AGMO: variants seen among roughly 807,000 people sequenced by gnomAD.
AGMO encodes alkylglycerol monooxygenase, also known as glyceryl-ether monooxygenase.
AGMO carries 75 observed loss-of-function variants against 60.2 expected under a neutral mutation model. The observed-to-expected ratio is 1.25, with a 90% CI of 1.03 to 1.51. The LOEUF (loss-of-function observed/expected upper bound fraction) is 1.51. Among genes scored for constraint, AGMO ranks in the 40% most tolerant of loss-of-function variants. AGMO has a pLI of 0.00. For missense variants in AGMO, 763 were observed against 525.5 expected, an observed-to-expected ratio of 1.45 and a Z score of -4.42; for synonymous variants, 261 against 177.1, an observed-to-expected ratio of 1.47 and a Z score of -3.76.
At chr7:15,367,515 T>C (rs1368635226) in intron 10 of AGMO, among the ~76,000 whole-genome samples, 2 of 152,036 alleles carry the variant, frequency 1.3e-5, no homozygotes, top group Non-Finnish European at 2.9e-5. Context: ...TTTCCATCAT[T>C]ACACAGAAAG....
At chr7:15,350,128 G>C (rs1214416751) in intron 12 of AGMO, among the ~76,000 whole-genome samples, 1 of 152,038 alleles carries the variant, frequency 6.6e-6, no homozygotes, top group South Asian at 2.1e-4. Context: ...TGTGTTTCTG[G>C]AACCTGGGTC....
chr7:15,210,100 T>G (rs965299372), intron 12 of AGMO, among the ~76,000 whole-genome samples: 1 of 152,148 alleles, frequency 6.6e-6, no homozygotes, highest in African/African-American at 2.4e-5. Context: ...GGGAAGGAGC[T>G]CAAATGATAC....
At chr7:15,268,195 T>C (rs1222193132) in intron 12 of AGMO, among the ~76,000 whole-genome samples, 2 of 152,030 alleles carry the variant, frequency 1.3e-5, no homozygotes, top group African/African-American at 4.8e-5. Flanking sequence ...CAATATAGTC[T>C]TATGAAGTCT....
intron 12 of AGMO, among the ~76,000 whole-genome samples, chr7:15,204,492 T>TA (rs1305141116): frequency 6.6e-6 from 1 of 152,204 alleles, no homozygotes; most frequent in Non-Finnish European, 1.5e-5. Context: ...CTAATCTACA[T>TA]ATATGATGTT....
chr7:15,539,955 C>T (rs1358837814), intron 3 of AGMO, among the ~76,000 whole-genome samples: 1 of 152,034 alleles, frequency 6.6e-6, no homozygotes, highest in Admixed American at 6.6e-5. Flanking sequence ...AGGAGGCTGC[C>T]TGTATCAGTC....
In AGMO at chr7:15,385,032, T is replaced by TA. The variant is rs556350244; in HGVS notation, c.1074+413dup. Reference sequence around the variant, plus strand: ...TTCAGAAATGTCAAACTAAAGGAATTAAACTCTACACTGAAAACCCTTTAA... The same window carrying TA: ...TTCAGAAATGTCAAACTAAAGGAATTAAAACTCTACACTGAAAACCCTTTAA... On this transcript the variant is annotated intron_variant, in intron 10 of 12. Transcript: ENST00000342526. Among the ~76,000 whole-genome samples, 423 of 152,244 alleles carry TA rather than the reference T, an allele frequency of 2.8e-3. 1 individual carries two copies. The highest frequency in any genetic ancestry group is 6.8e-3 in the Middle Eastern group (2 of 294).
intron 12 of AGMO, among the ~76,000 whole-genome samples, chr7:15,234,151 A>G (rs185499842): frequency 5.3e-4 from 81 of 152,326 alleles, no homozygotes; most frequent in Middle Eastern, 3.4e-3. Context: ...ATGAGATTAA[A>G]TATAGTCCTT....
rs1454798771 is a variant in AGMO at position 15,430,921 on chromosome 7, T to TTTTTTG, written c.513+83_513+84insCAAAAA. On this transcript the variant is annotated intron_variant, in intron 4 of 12. Transcript: ENST00000342526. ...TTTAGTAAAACACCTTCTATTAGTTTTTTTTTTTTTTTGAGGAAATAGAAA... is the reference window on the plus strand; with the variant it reads ...TTTAGTAAAACACCTTCTATTAGTTTTTTTTGTTTTTTTTTTTTGAGGAAATAGAAA... The TTTTTTG allele has an allele frequency of 2.7e-4, 184 of 684,434 alleles. 2 individuals carry two copies. The African/African-American group carries it at 3.1e-3, about 12-fold the overall frequency. The allele number at this position is 684,434 out of a possible 1,614,324, so 42.4% of individuals were successfully genotyped here.
intron 12 of AGMO, among the ~76,000 whole-genome samples, chr7:15,281,567 T>C (rs1296044245): frequency 2.6e-5 from 4 of 152,066 alleles, no homozygotes; most frequent in Admixed American, 6.6e-5. Context: ...AGTGGATCAC[T>C]TTCCTGCTAG....
chr7:15,398,564 G>T (rs559980953), intron 5 of AGMO, among the ~76,000 whole-genome samples: 2 of 152,116 alleles, frequency 1.3e-5, no homozygotes, highest in African/African-American at 2.4e-5. Flanking sequence ...TTTATTAAGG[G>T]TTGAGCATAA....
chr7:15,414,644 A>G (rs1485454141), intron 5 of AGMO, among the ~76,000 whole-genome samples: 8 of 151,942 alleles, frequency 5.3e-5, no homozygotes, highest in Admixed American at 2.6e-4. Flanking sequence ...AATATAGGGG[A>G]AAAAAAAGAA....
chr7:15,386,127 G>A (rs1783900285), intron 9 of AGMO, among the ~76,000 whole-genome samples: 1 of 151,818 alleles, frequency 6.6e-6, no homozygotes, highest in Non-Finnish European at 1.5e-5. Context: ...GCTGCAGTGA[G>A]CCAGGACTGC....
At chr7:15,218,199 G>A (rs1476597962) in intron 12 of AGMO, among the ~76,000 whole-genome samples, 1 of 152,070 alleles carries the variant, frequency 6.6e-6, no homozygotes, top group East Asian at 1.9e-4. Context: ...AAATGTAACA[G>A]TGTGAAATTA....
At chr7:15,271,751 T>C (rs1783618170) in intron 12 of AGMO, among the ~76,000 whole-genome samples, 1 of 152,158 alleles carries the variant, frequency 6.6e-6, no homozygotes. Flanking sequence ...TTCTGGTTCT[T>C]AGGGAAAATG....
At chr7:15,260,471 T>C (rs1414462300) in intron 12 of AGMO, among the ~76,000 whole-genome samples, 1 of 151,924 alleles carries the variant, frequency 6.6e-6, no homozygotes, top group African/African-American at 2.4e-5. Context: ...AATATCACAA[T>C]TCTAAATATA....
intron 5 of AGMO, among the ~76,000 whole-genome samples, chr7:15,413,975 T>C (rs1356299702): frequency 6.6e-6 from 1 of 152,170 alleles, no homozygotes; most frequent in Non-Finnish European, 1.5e-5. Context: ...TCTAAAATAA[T>C]AAAAACAATA....
intron 3 of AGMO, among the ~76,000 whole-genome samples, chr7:15,446,225 C>A (rs1370524728): frequency 2.0e-5 from 3 of 152,138 alleles, no homozygotes; most frequent in African/African-American, 7.2e-5. Flanking sequence ...TGAATTTGGG[C>A]AGCCACAAAT....
chr7:15,555,281 A>AT (rs1156326092), intron 2 of AGMO, among the ~76,000 whole-genome samples: 1 of 98,676 alleles, frequency 1.0e-5, no homozygotes, highest in Non-Finnish European at 1.8e-5. Context: ...ATATATATAT[A>AT]TATATATATA....
Position 15,544,868 on chromosome 7 carries a change from T to G in AGMO, c.313A>C (p.Arg105=). 6.2e-7 allele frequency: 1 copy of G among 1,602,656 alleles called. No homozygotes were observed. The highest frequency in any genetic ancestry group is 8.5e-7 in the Non-Finnish European group (1 of 1,173,722). The part of the protein sequence containing the change: ...TSYIYIWENY[R]LFNLPWDSPW... ...GAATCCCAAGGCAAATTGAACAGCCTGTAGTTCTCCCAGATATAAATATAA... is the reference window on the plus strand; with the variant it reads ...GAATCCCAAGGCAAATTGAACAGCCGGTAGTTCTCCCAGATATAAATATAA... The change falls in exon 3 of 13, where the codon AGG becomes CGG. Residue 105 remains arginine, a synonymous_variant. Transcript: ENST00000342526.
Sources: gnomAD v4.1 joint callset for allele counts (sites outside exome capture counted in the v4.1 genomes callset) on GRCh38, gnomAD v4.1.1 for gene constraint, MANE v1.5 for transcripts, NCBI Gene and HGNC (gene_info 2026-07-23, HGNC 2026-07-21) for gene names.